Variants in PLPP1 observed in about 807,000 individuals in gnomAD.
PLPP1 encodes phospholipid phosphatase 1.
In PLPP1, 24 loss-of-function variants were observed where a neutral mutation model predicts 31.2. The ratio of observed to expected loss-of-function variants is 0.77; its 90% CI spans 0.56 to 1.08. The LOEUF (loss-of-function observed/expected upper bound fraction) is 1.08. Among genes scored for constraint, PLPP1 ranks in the 50% least tolerant of loss-of-function variants. The pLI, the probability that PLPP1 is intolerant of heterozygous loss-of-function variation, is 0.00. For synonymous variants in PLPP1, 146 were observed against 126.3 expected (o/e 1.16, Z -1.05); for missense variants, 319 against 342.7 (o/e 0.93, Z 0.55).
chr5:55,472,531 C>T (rs1752436535), intron 2 of PLPP1, among the ~76,000 whole-genome samples: 1 of 151,808 alleles, frequency 6.6e-6, no homozygotes, highest in South Asian at 2.1e-4. Flanking sequence ...ACCCAGGAGT[C>T]GGAGTTTGCA....
intron 3 of PLPP1, among the ~76,000 whole-genome samples, chr5:55,464,115 A>G (rs4865606): frequency 0.87 from 132,267 of 151,962 alleles, 57,831 homozygotes; most frequent in South Asian, 0.92. Flanking sequence ...AAATAACAAA[A>G]ACTGGCCATT....
intron 2 of PLPP1, among the ~76,000 whole-genome samples, chr5:55,470,524 T>C (rs557680730): frequency 2.6e-5 from 4 of 152,198 alleles, no homozygotes; most frequent in Admixed American, 6.5e-5. Flanking sequence ...TCTTCAGAAG[T>C]AGTGTAAGCT....
chr5:55,425,814 A>G, intron 5 of PLPP1, 49 bp downstream of exon 5: 2 of 1,441,116 alleles, frequency 1.4e-6, no homozygotes, highest in South Asian at 1.6e-5. Flanking sequence ...ATTTACTTAT[A>G]TAAATGTTTA....
intron 4 of PLPP1, among the ~76,000 whole-genome samples, chr5:55,439,143 A>C (rs950003267): frequency 2.0e-5 from 3 of 152,112 alleles, no homozygotes; most frequent in Non-Finnish European, 4.4e-5. Context: ...AATCAAACTA[A>C]AATCTGTCCT....
chr5:55,487,826 AT>A (rs1341016670), intron 1 of PLPP1, among the ~76,000 whole-genome samples: 1 of 152,188 alleles, frequency 6.6e-6, no homozygotes, highest in Non-Finnish European at 1.5e-5. Context: ...TACTTCTTTA[AT>A]TAAAAATAAA....
chr5:55,466,339 A>G (rs1752294426), intron 3 of PLPP1, among the ~76,000 whole-genome samples: 1 of 152,114 alleles, frequency 6.6e-6, no homozygotes, highest in Non-Finnish European at 1.5e-5. Context: ...TCACTGCTAA[A>G]CCCCAAGCAA....
chr5:55,481,277 G>A (rs899617657), intron 1 of PLPP1, among the ~76,000 whole-genome samples: 1 of 152,178 alleles, frequency 6.6e-6, no homozygotes, highest in Admixed American at 6.5e-5. Context: ...TTTTACATGT[G>A]AAGGGAACTC....
Position 55,448,502 on chromosome 5 carries a change from C to T in PLPP1, c.492-6594G>A, listed in dbSNP as rs151239088. Reference sequence around the variant, plus strand: ...TTGCTCTGTCGCCCAGGCTGGAGTGCCGTGGTGCAATCTTGGCTCACCACA... The same window carrying T: ...TTGCTCTGTCGCCCAGGCTGGAGTGTCGTGGTGCAATCTTGGCTCACCACA... On this transcript the variant is annotated intron_variant, in intron 3 of 5. Coordinates refer to ENST00000307259, the MANE Select transcript of PLPP1 (RefSeq NM_003711.4). Among the ~76,000 whole-genome samples, 292 of 141,360 alleles carry T rather than the reference C, an allele frequency of 2.1e-3. 2 individuals are homozygous for T. Among genetic ancestry groups the T allele is most frequent in the African/African-American group, 7.5e-3 (285 of 37,806 alleles). 92.7% of individuals were successfully genotyped at this position (141,360 alleles called of 152,430 possible).
chr5:55,479,639 G>A (rs989808077), intron 1 of PLPP1, among the ~76,000 whole-genome samples: 5 of 152,222 alleles, frequency 3.3e-5, no homozygotes, highest in East Asian at 1.9e-4. Context: ...TCCCTGAACC[G>A]GGTGAAATGG....
intron 1 of PLPP1, among the ~76,000 whole-genome samples, chr5:55,478,813 T>C (rs1178744090): frequency 6.6e-6 from 1 of 152,116 alleles, no homozygotes. Flanking sequence ...CCAGTCTTAG[T>C]AAAAGAGGTT....
chr5:55,516,676 A>T (rs1753560421), intron 1 of PLPP1, among the ~76,000 whole-genome samples: 1 of 152,230 alleles, frequency 6.6e-6, no homozygotes, highest in African/African-American at 2.4e-5. Flanking sequence ...CTGAGATTCA[A>T]ACTCAGACCT....
At chr5:55,523,675 A>G (rs1323101429) in intron 1 of PLPP1, among the ~76,000 whole-genome samples, 2 of 152,212 alleles carry the variant, frequency 1.3e-5, no homozygotes. Flanking sequence ...TTCACTATTA[A>G]AAATACCATT....
chr5:55,440,458 G>A (rs944596329), intron 4 of PLPP1, among the ~76,000 whole-genome samples: 1 of 152,160 alleles, frequency 6.6e-6, no homozygotes, highest in Non-Finnish European at 1.5e-5. Flanking sequence ...TTTCTAATAT[G>A]ATAAATGAAC....
At chr5:55,452,784 T>G (rs1376424914) in intron 3 of PLPP1, among the ~76,000 whole-genome samples, 1 of 152,222 alleles carries the variant, frequency 6.6e-6, no homozygotes, top group Non-Finnish European at 1.5e-5. Flanking sequence ...TTACTGAACC[T>G]TCTTCCCCAA....
intron 1 of PLPP1, among the ~76,000 whole-genome samples, chr5:55,519,658 G>A (rs971824488): frequency 2.6e-5 from 4 of 151,472 alleles, no homozygotes; most frequent in Non-Finnish European, 5.9e-5. Context: ...GCCGAGGCAA[G>A]AGAATCACTT....
rs35103247 is a variant in PLPP1, at chr5:55,494,180, G to GA, written c.59-18731dup. Among the ~76,000 whole-genome samples, 130 of 139,022 alleles carry GA rather than the reference G, an allele frequency of 9.4e-4. 1 individual carries two copies. Among genetic ancestry groups the GA allele is most frequent in the South Asian group, 7.0e-3 (31 of 4,430 alleles). 91.2% of individuals were successfully genotyped at this position (139,022 alleles called of 152,430 possible). A position where few individuals can be genotyped will look rare whatever the true frequency, so the allele number is the denominator to read the frequency against. On this transcript the variant is annotated intron_variant, in intron 1 of 5. Coordinates refer to ENST00000307259, the MANE Select transcript of PLPP1 (RefSeq NM_003711.4). ...AGGAATTTTAGAAATTAACTTCCAG[G>GA]AAAAAAAAAAAAGGGAGAGAGAGAG...
chr5:55,530,827 T>A, intron 1 of PLPP1: 1 of 1,294,748 alleles, frequency 7.7e-7, no homozygotes, highest in Non-Finnish European at 1.1e-6. Flanking sequence ...GAGCACCTCC[T>A]GACAGACGGG....
chr5:55,472,385 G>A (rs865889776), intron 2 of PLPP1, among the ~76,000 whole-genome samples: 40 of 152,040 alleles, frequency 2.6e-4, no homozygotes, highest in Non-Finnish European at 4.0e-4. Flanking sequence ...GGTGGATCAC[G>A]AGGTAAGGAG....
chr5:55,445,281 T>G (rs1404693653), intron 3 of PLPP1, among the ~76,000 whole-genome samples: 1 of 152,138 alleles, frequency 6.6e-6, no homozygotes, highest in Non-Finnish European at 1.5e-5. Context: ...TTCAGCCTCA[T>G]AAATCGCAAA....
Sources: gnomAD v4.1 joint callset for allele counts (sites outside exome capture counted in the v4.1 genomes callset) on GRCh38, gnomAD v4.1.1 for gene constraint, MANE v1.5 for transcripts, NCBI Gene and HGNC (gene_info 2026-07-23, HGNC 2026-07-21) for gene names.